Variants in CNGB3 observed in about 807,000 individuals in gnomAD.
CNGB3 encodes the protein cyclic nucleotide-gated channel beta-3.
A neutral mutation model predicts 92.8 loss-of-function variants in CNGB3; 86 were observed. The observed-to-expected ratio is 0.93, with a 90% confidence interval of 0.78 to 1.11. The LOEUF is 1.11. Ranked by LOEUF, CNGB3 falls within the 50% of genes least tolerant of loss-of-function variation. The probability of loss-of-function intolerance (pLI) is 0.00; values close to 1 mark genes in which losing one functional copy is unlikely to be tolerated. For missense variants in CNGB3, 1,026 were observed against 956.8 expected (o/e 1.07, Z -0.95); for synonymous variants, 333 against 332.7 (o/e 1.00, Z -0.01).
chr8:86,589,713 A>T (rs906346485), intron 15 of CNGB3, among the ~76,000 whole-genome samples: 1 of 152,092 alleles, frequency 6.6e-6, no homozygotes, highest in Non-Finnish European at 1.5e-5. Flanking sequence ...ATAGTTTGTT[A>T]TAATGTCTGT....
intron 1 of CNGB3, among the ~76,000 whole-genome samples, chr8:86,740,839 C>A (rs1021128843): frequency 6.6e-6 from 1 of 151,918 alleles, no homozygotes; most frequent in Admixed American, 6.6e-5. Context: ...TTTATATGAA[C>A]GTAGCTAGAA....
chr8:86,731,902 G>C (rs935155799), intron 2 of CNGB3, among the ~76,000 whole-genome samples: 1 of 152,044 alleles, frequency 6.6e-6, no homozygotes, highest in Non-Finnish European at 1.5e-5. Flanking sequence ...GACGTATGTG[G>C]GGCATGATAC....
Position 86,597,152 on chromosome 8 carries a change from C to T in CNGB3, c.1781+6941G>A, listed in dbSNP as rs112703388. On this transcript the variant is annotated intron_variant, in intron 15 of 17. Transcript: ENST00000320005. The stretch of plus-strand genomic sequence containing the variant: ...AAACCTGCATGTTGTGCACATGTAC[C>T]CCAGAACGTAAAGTATAATAAAAAA... 4.9e-3 allele frequency among the ~76,000 whole-genome samples: 740 copies of T among 152,178 alleles called. 5 individuals are homozygous for T. The highest frequency in any genetic ancestry group is 8.3e-3 in the Non-Finnish European group (564 of 67,998).
At chr8:86,612,541 T>C (rs1028642044) in intron 13 of CNGB3, among the ~76,000 whole-genome samples, 2 of 152,106 alleles carry the variant, frequency 1.3e-5, no homozygotes, top group African/African-American at 2.4e-5. Context: ...AAGCAAAGGG[T>C]CTGCTTCCAA....
At chr8:86,621,489 A>G (rs1822725455) in intron 13 of CNGB3, among the ~76,000 whole-genome samples, 1 of 152,022 alleles carries the variant, frequency 6.6e-6, no homozygotes, top group Admixed American at 6.5e-5. Flanking sequence ...ATTTAATTTC[A>G]ATAGTTTTTG....
At chr8:86,586,044 A>G (rs1821882726) in intron 15 of CNGB3, among the ~76,000 whole-genome samples, 1 of 152,230 alleles carries the variant, frequency 6.6e-6, no homozygotes, top group South Asian at 2.1e-4. Flanking sequence ...TGCATCCAAG[A>G]TTGTACAGAT....
intron 15 of CNGB3, among the ~76,000 whole-genome samples, chr8:86,596,726 C>A (rs78741473): frequency 6.6e-6 from 1 of 152,068 alleles, no homozygotes; most frequent in African/African-American, 2.4e-5. Flanking sequence ...TTCATGCACA[C>A]GTATATTTAT....
chr8:86,666,877 T>A, intron 6 of CNGB3, 48 bp downstream of exon 6: 1 of 1,431,612 alleles, frequency 7.0e-7, no homozygotes, highest in Non-Finnish European at 9.8e-7. Context: ...GTAGCCCAAT[T>A]AGATGTTATT....
At chr8:86,594,128 A>T in intron 15 of CNGB3, 1 of 298,540 alleles carries the variant, frequency 3.3e-6, no homozygotes, top group Admixed American at 4.0e-5. Flanking sequence ...TTACAAAACC[A>T]CGGAGGTCTG....
In CNGB3 at chr8:86,589,580, C is replaced by G. The variant is rs944928614; in HGVS notation, c.1782-10328G>C. Reference sequence around the variant, plus strand: ...TTTCAAAGAACATCTTTATTTCTGCCTTCATTTCGTTATGTACCCAGTAGT... The same window carrying G: ...TTTCAAAGAACATCTTTATTTCTGCGTTCATTTCGTTATGTACCCAGTAGT... On this transcript the variant is annotated intron_variant, in intron 15 of 17. Coordinates refer to ENST00000320005, the MANE Select transcript of CNGB3 (RefSeq NM_019098.5). Among the ~76,000 whole-genome samples the G allele has an allele frequency of 2.0e-5, 3 of 152,014 alleles. No individual in the cohort carries two copies. The East Asian group carries it at 5.8e-4, about 29-fold the overall frequency.
chr8:86,640,631 T>C (rs1366191092), intron 10 of CNGB3, among the ~76,000 whole-genome samples: 1 of 152,056 alleles, frequency 6.6e-6, no homozygotes, highest in Non-Finnish European at 1.5e-5. Context: ...CATTTTATTT[T>C]ATAGAATTGA....
At chr8:86,581,700 C>T (rs1359132414) in intron 15 of CNGB3, among the ~76,000 whole-genome samples, 5 of 151,988 alleles carry the variant, frequency 3.3e-5, no homozygotes, top group Admixed American at 3.3e-4. Flanking sequence ...AACTTTATCA[C>T]AGAATTATAA....
intron 2 of CNGB3, among the ~76,000 whole-genome samples, chr8:86,733,454 T>C (rs1258793592): frequency 2.6e-5 from 4 of 152,238 alleles, no homozygotes; most frequent in Non-Finnish European, 5.9e-5. Flanking sequence ...CTTTTGGATA[T>C]ATACCCAGTA....
At chr8:86,741,926 C>T (rs775513019) in intron 1 of CNGB3, among the ~76,000 whole-genome samples, 6 of 152,158 alleles carry the variant, frequency 3.9e-5, no homozygotes, top group African/African-American at 9.7e-5. Flanking sequence ...AATATCCCTC[C>T]TGTTTTGAGC....
At chr8:86,731,096 T>C (rs1825147510) in intron 2 of CNGB3, among the ~76,000 whole-genome samples, 1 of 152,212 alleles carries the variant, frequency 6.6e-6, no homozygotes, top group South Asian at 2.1e-4. Context: ...TGCTATTACA[T>C]AGAAAAGAAA....
chr8:86,634,024 A>G (rs532069652), intron 10 of CNGB3, among the ~76,000 whole-genome samples: 1 of 152,186 alleles, frequency 6.6e-6, no homozygotes. Context: ...CTGTACTTGA[A>G]CAATTGCAAA....
At chr8:86,647,919 T>C (rs759717527) in intron 7 of CNGB3, 32 bp from the exon 8 acceptor site, 13 of 1,249,134 alleles carry the variant, frequency 1.0e-5, no homozygotes, top group Admixed American at 3.4e-5. Flanking sequence ...AAATATGTTG[T>C]GTTTACATGC....
chr8:86,600,105 A>C (rs1250168142), intron 15 of CNGB3, among the ~76,000 whole-genome samples: 1 of 152,210 alleles, frequency 6.6e-6, no homozygotes, highest in Non-Finnish European at 1.5e-5. Flanking sequence ...AATAGAAAAG[A>C]ACCTACATGA....
intron 3 of CNGB3, among the ~76,000 whole-genome samples, chr8:86,682,857 C>G (rs1040797909): frequency 3.3e-5 from 5 of 152,082 alleles, no homozygotes; most frequent in Admixed American, 6.6e-5. Flanking sequence ...GAGTAAGGTC[C>G]TGCTTCTGCA....
Sources: gnomAD v4.1 joint callset for allele counts (sites outside exome capture counted in the v4.1 genomes callset) on GRCh38, gnomAD v4.1.1 for gene constraint, MANE v1.5 for transcripts, NCBI Gene and HGNC (gene_info 2026-07-23, HGNC 2026-07-21) for gene names.